AFAP1: variants seen among roughly 807,000 people sequenced by gnomAD.
AFAP1 encodes the protein actin filament associated protein 1, also known as actin filament-associated protein 1.
A neutral mutation model predicts 93.9 loss-of-function variants in AFAP1; 75 were observed. The observed-to-expected ratio is 0.80, with a 90% CI of 0.66 to 0.97. AFAP1 has a LOEUF of 0.97. AFAP1 is among the 50% of genes least tolerant of loss of function. The pLI, the probability that AFAP1 is intolerant of heterozygous loss-of-function variation, is 0.00. For synonymous variants in AFAP1, 517 were observed against 430.7 expected (o/e 1.20, Z -2.48); for missense variants, 1,201 against 1,050.8 (o/e 1.14, Z -1.98).
intron 17 of AFAP1, among the ~76,000 whole-genome samples, chr4:7,768,183 C>T (rs1363690968): frequency 1.3e-5 from 2 of 152,272 alleles, no homozygotes; most frequent in East Asian, 1.9e-4. Flanking sequence ...CCTGTGGCTC[C>T]CCAGCTCACA....
chr4:7,774,954 A>G, intron 14 of AFAP1, 51 bp from the exon 15 acceptor site: 1 of 1,589,790 alleles, frequency 6.3e-7, no homozygotes, highest in Non-Finnish European at 8.5e-7. Flanking sequence ...CTAGCCTGGG[A>G]AATATGGGAC....
intron 4 of AFAP1, among the ~76,000 whole-genome samples, chr4:7,849,538 C>T (rs187629816): frequency 4.9e-4 from 75 of 152,272 alleles, no homozygotes; most frequent in African/African-American, 1.6e-3. Flanking sequence ...AGATGACAAA[C>T]GGCCTATTGG....
intron 9 of AFAP1, among the ~76,000 whole-genome samples, chr4:7,801,690 A>G (rs527387531): frequency 6.6e-6 from 1 of 152,218 alleles, no homozygotes; most frequent in South Asian, 2.1e-4. Context: ...TACTCCTTCA[A>G]TTCACACATG....
chr4:7,896,753 G>A (rs537761370), intron 1 of AFAP1, among the ~76,000 whole-genome samples: 1 of 92,928 alleles, frequency 1.1e-5, no homozygotes, highest in East Asian at 3.3e-4. Flanking sequence ...CACACCCAAT[G>A]CTCAGTCCTC....
At chr4:7,768,193 A>T (rs1577173896) in intron 17 of AFAP1, among the ~76,000 whole-genome samples, 1 of 152,262 alleles carries the variant, frequency 6.6e-6, no homozygotes, top group Non-Finnish European at 1.5e-5. Flanking sequence ...CCCAGCTCAC[A>T]CCATCGCACT....
intron 1 of AFAP1, among the ~76,000 whole-genome samples, chr4:7,915,620 T>G (rs961631470): frequency 1.3e-5 from 2 of 152,258 alleles, no homozygotes; most frequent in African/African-American, 2.4e-5. Flanking sequence ...TGCTGCTACT[T>G]TCTAATGTGA....
At chr4:7,871,801 C>T in intron 2 of AFAP1, 151 bp downstream of exon 2, 1 of 1,119,384 alleles carries the variant, frequency 8.9e-7, no homozygotes, top group East Asian at 2.6e-5. Flanking sequence ...GAACTTGGCA[C>T]AAGTGTAAAC....
chr4:7,915,972 C>T (rs1182682050), intron 1 of AFAP1, among the ~76,000 whole-genome samples: 6 of 152,024 alleles, frequency 3.9e-5, no homozygotes, highest in Admixed American at 2.6e-4. Flanking sequence ...GAAAGAAAAG[C>T]AGCCAGTCAC....
chr4:7,905,727 A>G (rs1719359228), intron 1 of AFAP1, among the ~76,000 whole-genome samples: 1 of 152,240 alleles, frequency 6.6e-6, no homozygotes, highest in African/African-American at 2.4e-5. Flanking sequence ...AGATGACCGC[A>G]GCACAGTGAC....
intron 8 of AFAP1, among the ~76,000 whole-genome samples, chr4:7,810,741 A>G (rs1719944586): frequency 6.6e-6 from 1 of 152,346 alleles, no homozygotes; most frequent in African/African-American, 2.4e-5. Context: ...CTGGACCCGC[A>G]TGTGGGCAAG....
Position 7,843,296 on chromosome 4 carries a change from T to C in AFAP1, c.389A>G (p.Glu130Gly), listed in dbSNP as rs201653333. Reference protein sequence around the residue: ...SSYESYDEEEEDGKGKKTRHQ... With the variant: ...SSYESYDEEEGDGKGKKTRHQ... ...CCGGGTTTTCTTCCCCTTCCCATCC[T>C]CCTCCTCTTCATCATACGACTCATA... The change falls in exon 5 of 18, where the codon GAG (glutamate) becomes GGG (glycine). Residue 130 changes from glutamate (E) to glycine (G), a missense_variant. Transcript: ENST00000420658. 6.2e-7 allele frequency: 1 copy of C among 1,613,990 alleles called. No individual in the cohort carries two copies. The highest frequency in any genetic ancestry group is 8.5e-7 in the Non-Finnish European group (1 of 1,179,990).
Position 7,761,212 on chromosome 4 carries a change from CTT to C in AFAP1, c.*2551_*2552del, listed in dbSNP as rs1310733542. 1 of 152,204 alleles carries C rather than the reference CTT, an allele frequency of 6.6e-6. No individual in the cohort carries two copies. Among genetic ancestry groups the C allele is most frequent in the African/African-American group, 2.4e-5 (1 of 41,446 alleles). The allele number at this position is 152,204 out of a possible 1,614,324, so 9.4% of individuals were successfully genotyped here. A position where few individuals can be genotyped will look rare whatever the true frequency, so the allele number is the denominator to read the frequency against. ...CTTATTCTGAAGTAAATGCTTTAAACTTTGATGGAATGTGAAATTTCAAGGGA... is the reference window on the plus strand; with the variant it reads ...CTTATTCTGAAGTAAATGCTTTAAACTGATGGAATGTGAAATTTCAAGGGA... On this transcript the variant is annotated 3_prime_UTR_variant, in exon 18 of 18. Transcript: ENST00000420658.
At chr4:7,883,903 T>G (rs1000454496) in intron 1 of AFAP1, among the ~76,000 whole-genome samples, 1 of 152,198 alleles carries the variant, frequency 6.6e-6, no homozygotes, top group African/African-American at 2.4e-5. Context: ...TTAACAAATA[T>G]ATTTCGAGCA....
chr4:7,811,637 G>A (rs1049682108), intron 8 of AFAP1, among the ~76,000 whole-genome samples: 5 of 152,026 alleles, frequency 3.3e-5, no homozygotes, highest in East Asian at 1.9e-4. Context: ...GTCCTATAGC[G>A]TTAGTGCCCT....
intron 1 of AFAP1, among the ~76,000 whole-genome samples, chr4:7,938,733 G>T (rs997606009): frequency 6.6e-6 from 1 of 151,672 alleles, no homozygotes; most frequent in Non-Finnish European, 1.5e-5. Context: ...TGGCTTTCCA[G>T]ATTTTTTTTT....
At chr4:7,837,371 A>G (rs983639064) in intron 6 of AFAP1, among the ~76,000 whole-genome samples, 1 of 152,074 alleles carries the variant, frequency 6.6e-6, no homozygotes, top group African/African-American at 2.4e-5. Flanking sequence ...TGGGATTGGT[A>G]CCCTTATAAA....
chr4:7,908,099 C>G (rs932463073), intron 1 of AFAP1, among the ~76,000 whole-genome samples: 1 of 152,086 alleles, frequency 6.6e-6, no homozygotes, highest in Non-Finnish European at 1.5e-5. Context: ...GTTATCCCAG[C>G]TACTCAGGAG....
At chr4:7,911,197 G>C (rs1015653481) in intron 1 of AFAP1, among the ~76,000 whole-genome samples, 6 of 152,156 alleles carry the variant, frequency 3.9e-5, no homozygotes, top group East Asian at 3.9e-4. Flanking sequence ...GCTGACTAGC[G>C]AGCCAGGACG....
At chr4:7,844,306 T>C (rs1359725057) in intron 4 of AFAP1, among the ~76,000 whole-genome samples, 1 of 152,122 alleles carries the variant, frequency 6.6e-6, no homozygotes, top group South Asian at 2.1e-4. Context: ...GAGAGAGCTC[T>C]GTCCCCACCA....
Sources: allele counts gnomAD v4.1 joint callset (sites outside exome capture counted in the v4.1 genomes callset), GRCh38; gene constraint gnomAD v4.1.1; transcripts MANE v1.5; gene names NCBI Gene and HGNC (gene_info 2026-07-23, HGNC 2026-07-21).